Variants in DENND1A observed in about 807,000 individuals in gnomAD.
DENND1A encodes DENN domain-containing protein 1A.
In DENND1A, 51 loss-of-function variants were observed where a neutral mutation model predicts 113.7. The ratio of observed to expected loss-of-function variants is 0.45; its 90% CI spans 0.36 to 0.57. The LOEUF is 0.57. DENND1A is among the 20% of genes least tolerant of loss of function. The pLI, the probability that DENND1A is intolerant of heterozygous loss-of-function variation, is 0.00. For synonymous variants in DENND1A, 565 were observed against 570.8 expected (o/e 0.99, Z 0.14); for missense variants, 1,258 against 1,395.9 (o/e 0.90, Z 1.57).
At chr9:123,745,334 T>C (rs7857605) in intron 5 of DENND1A, among the ~76,000 whole-genome samples, 11,289 of 152,210 alleles carry the variant, frequency 0.074, 558 homozygotes, top group African/African-American at 0.14. Flanking sequence ...GAGACCAGAT[T>C]AATGTTTGGA....
intron 5 of DENND1A, among the ~76,000 whole-genome samples, chr9:123,677,972 T>C (rs1168830930): frequency 6.6e-6 from 1 of 152,138 alleles, no homozygotes; most frequent in Non-Finnish European, 1.5e-5. Flanking sequence ...TGGGCTTACA[T>C]ACACTGGGCC....
At chr9:123,382,874 C>T (rs2130860266) in intron 23 of DENND1A, among the ~76,000 whole-genome samples, 1 of 152,368 alleles carries the variant, frequency 6.6e-6, no homozygotes, top group East Asian at 1.9e-4. Flanking sequence ...GTGGCGGTTG[C>T]CAAGGAGTTT....
intron 11 of DENND1A, among the ~76,000 whole-genome samples, chr9:123,608,096 A>G (rs930874216): frequency 1.3e-5 from 2 of 152,184 alleles, no homozygotes; most frequent in Non-Finnish European, 2.9e-5. Flanking sequence ...ACATCATCCC[A>G]GATAGTCCAT....
intron 13 of DENND1A, among the ~76,000 whole-genome samples, chr9:123,510,713 G>A (rs1033096138): frequency 2.6e-5 from 4 of 152,186 alleles, no homozygotes; most frequent in African/African-American, 9.7e-5. Flanking sequence ...TTCAGCCAAA[G>A]GTACCCACTG....
At chr9:123,528,993 C>T (rs1337854352) in intron 13 of DENND1A, among the ~76,000 whole-genome samples, 1 of 152,184 alleles carries the variant, frequency 6.6e-6, no homozygotes, top group Non-Finnish European at 1.5e-5. Flanking sequence ...TTAATCACAT[C>T]CTCGTTGTGT....
At chr9:123,707,951 C>T (rs1443057341) in intron 5 of DENND1A, among the ~76,000 whole-genome samples, 3 of 151,898 alleles carry the variant, frequency 2.0e-5, no homozygotes, top group Non-Finnish European at 2.9e-5. Context: ...CTTGAGTAGA[C>T]GAAAGGGGAT....
At chr9:123,787,697 T>C (rs1832396684) in intron 3 of DENND1A, among the ~76,000 whole-genome samples, 1 of 152,144 alleles carries the variant, frequency 6.6e-6, no homozygotes, top group South Asian at 2.1e-4. Context: ...TTTTAGTATA[T>C]AGTTGGTATA....
At chr9:123,589,616 C>A (rs1164320058) in intron 11 of DENND1A, among the ~76,000 whole-genome samples, 1 of 146,586 alleles carries the variant, frequency 6.8e-6, no homozygotes, top group Admixed American at 6.9e-5. Flanking sequence ...ACCCTTCCCC[C>A]CACCAGACTC....
At position 123,380,013 on chromosome 9, in the gene DENND1A, C is replaced by T. The variant is rs1258246211; in HGVS notation, c.*1419G>A. The T allele has an allele frequency of 6.6e-6, 1 of 152,256 alleles. No homozygotes were observed. Among genetic ancestry groups the T allele is most frequent in the Non-Finnish European group, 1.5e-5 (1 of 68,058 alleles). 9.4% of individuals were successfully genotyped at this position (152,256 alleles called of 1,614,324 possible). ...GGTTGACCCAGGAAGAGCCATGTGC[C>T]AGGATGGCCGCCAAGCCTCACTGAG... On this transcript the variant is annotated 3_prime_UTR_variant, in exon 24 of 24. Transcript: ENST00000394215.
intron 10 of DENND1A, 90 bp from the exon 11 acceptor site, chr9:123,609,571 G>T (rs960443629): frequency 1.4e-6 from 2 of 1,454,022 alleles, no homozygotes; most frequent in Non-Finnish European, 1.9e-6. Context: ...GAGAAAAACT[G>T]TTTTAATAAA....
chr9:123,398,652 C>G (rs1200121131), intron 21 of DENND1A, among the ~76,000 whole-genome samples: 1 of 151,974 alleles, frequency 6.6e-6, no homozygotes. Flanking sequence ...GCTGGGATAA[C>G]AGGCGTGAGC....
intron 19 of DENND1A, among the ~76,000 whole-genome samples, chr9:123,438,870 A>G (rs1396407161): frequency 3.3e-5 from 5 of 152,222 alleles, no homozygotes; most frequent in African/African-American, 4.8e-5. Context: ...CTCCATTTCA[A>G]ATAGGGCCTC....
intron 5 of DENND1A, among the ~76,000 whole-genome samples, chr9:123,735,168 T>C (rs566669368): frequency 6.6e-6 from 1 of 152,250 alleles, no homozygotes; most frequent in Non-Finnish European, 1.5e-5. Context: ...CTTCCCAATA[T>C]TAACCAGGTG....
chr9:123,532,707 C>T (rs1038098690), intron 13 of DENND1A, among the ~76,000 whole-genome samples: 7 of 152,180 alleles, frequency 4.6e-5, no homozygotes, highest in African/African-American at 1.7e-4. Context: ...AAATAAAAGT[C>T]CCTTCTTTTA....
At chr9:123,856,018 C>T (rs1564396802) in intron 2 of DENND1A, among the ~76,000 whole-genome samples, 1 of 151,972 alleles carries the variant, frequency 6.6e-6, no homozygotes, top group Non-Finnish European at 1.5e-5. Context: ...GCCTGGGCAA[C>T]AAGAGCAAAA....
At chr9:123,630,042 C>CTAT (rs574645629) in intron 10 of DENND1A, among the ~76,000 whole-genome samples, 106 of 151,618 alleles carry the variant, frequency 7.0e-4, no homozygotes, top group Middle Eastern at 3.4e-3. Flanking sequence ...GTTAGTATTT[C>CTAT]TATTATTATT....
At chr9:123,510,927 T>G (rs954054659) in intron 13 of DENND1A, among the ~76,000 whole-genome samples, 6 of 152,192 alleles carry the variant, frequency 3.9e-5, no homozygotes, top group African/African-American at 1.4e-4. Context: ...GAGGATGTTG[T>G]AGGGGAGACT....
At chr9:123,825,792 T>C (rs1188019884) in intron 2 of DENND1A, among the ~76,000 whole-genome samples, 1 of 152,250 alleles carries the variant, frequency 6.6e-6, no homozygotes, top group Admixed American at 6.5e-5. Flanking sequence ...CACCCCTCTT[T>C]CCTGGAGAAA....
intron 2 of DENND1A, among the ~76,000 whole-genome samples, chr9:123,873,408 T>C (rs962092667): frequency 1.3e-5 from 2 of 152,208 alleles, no homozygotes; most frequent in Admixed American, 1.3e-4. Context: ...ACAGAACACA[T>C]GAGGGACAGT....
Sources: gnomAD v4.1 joint callset for allele counts (sites outside exome capture counted in the v4.1 genomes callset) on GRCh38, gnomAD v4.1.1 for gene constraint, MANE v1.5 for transcripts, NCBI Gene and HGNC (gene_info 2026-07-23, HGNC 2026-07-21) for gene names.